The following DNAAF8 variants were observed in gnomAD, a reference collection of about 807,000 sequenced individuals.
DNAAF8 encodes the protein dynein axonemal-associated protein 1.
DNAAF8 carries 61 observed loss-of-function variants against 54.6 expected under a neutral mutation model. The ratio of observed to expected loss-of-function variants is 1.12; its 90% CI spans 0.91 to 1.38. The LOEUF is 1.38. Ranked by LOEUF, DNAAF8 falls within the 40% of genes most tolerant of loss-of-function variation. DNAAF8 has a pLI of 0.00. For missense variants in DNAAF8, 837 were observed against 665.0 expected (o/e 1.26, Z -2.85); for synonymous variants, 320 against 270.1 (o/e 1.18, Z -1.81).
At chr16:4,743,992 C>T (rs1378180462) in intron 5 of DNAAF8, among the ~76,000 whole-genome samples, 1 of 146,280 alleles carries the variant, frequency 6.8e-6, no homozygotes, top group African/African-American at 2.6e-5. Flanking sequence ...TGCAATGGCA[C>T]GATCTCGGTT....
chr16:4,745,274 G>C (rs1246020788), intron 6 of DNAAF8, among the ~76,000 whole-genome samples: 1 of 152,168 alleles, frequency 6.6e-6, no homozygotes, highest in Non-Finnish European at 1.5e-5. Flanking sequence ...AAACCCAACG[G>C]GAACCCTCCT....
chr16:4,738,256 C>T lies in DNAAF8; in HGVS notation c.276+310C>T, dbSNP rs75720519. ...ATCCTGAATAGCTTCTGGCCATTGT[C>T]ACAACTGCTTGTCCTAATTGTCTCT... On this transcript the variant is annotated intron_variant, in intron 3 of 9. Transcript: ENST00000299320. 2.8e-3 allele frequency among the ~76,000 whole-genome samples: 430 copies of T among 152,300 alleles called. 3 individuals carry two copies. Among genetic ancestry groups the T allele is most frequent in the African/African-American group, 9.6e-3 (397 of 41,568 alleles).
intron 3 of DNAAF8, among the ~76,000 whole-genome samples, chr16:4,739,384 T>C (rs941563084): frequency 1.3e-5 from 2 of 149,682 alleles, no homozygotes; most frequent in Non-Finnish European, 3.0e-5. Flanking sequence ...ACTTGTACTC[T>C]AGCTTGGGGT....
intron 6 of DNAAF8, 148 bp from the exon 7 acceptor site, chr16:4,746,227 A>G: frequency 1.2e-6 from 1 of 859,836 alleles, no homozygotes; most frequent in Non-Finnish European, 1.8e-6. Context: ...CTGAAGAGTA[A>G]AAGAGCAAAT....
intron 3 of DNAAF8, 44 bp downstream of exon 3, chr16:4,737,990 T>A: frequency 4.4e-6 from 7 of 1,592,522 alleles, no homozygotes; most frequent in Non-Finnish European, 6.0e-6. Context: ...GTGTGCGATG[T>A]TAGTCTAAAC....
At chr16:4,746,227 A>C in intron 6 of DNAAF8, 148 bp from the exon 7 acceptor site, 1 of 859,832 alleles carries the variant, frequency 1.2e-6, no homozygotes, top group South Asian at 1.8e-5. Flanking sequence ...CTGAAGAGTA[A>C]AAGAGCAAAT....
Position 4,737,787 on chromosome 16 carries a change from C to A in DNAAF8, c.130-13C>A. The A allele has an allele frequency of 6.2e-7, 1 of 1,613,990 alleles. No individual in the cohort carries two copies. The highest frequency in any genetic ancestry group is 1.3e-5 in the African/African-American group (1 of 75,042). On this transcript the variant is annotated splice_polypyrimidine_tract_variant and intron_variant, in intron 2 of 9. Transcript: ENST00000299320. ...CTGCCTTGTCCTCCAAAAGCCCTCT[C>A]ATTTGTCCACAGTCGGACTATGGGG...
intron 5 of DNAAF8, among the ~76,000 whole-genome samples, chr16:4,744,634 C>CA (rs2081989822): frequency 6.6e-6 from 1 of 151,402 alleles, no homozygotes; most frequent in Non-Finnish European, 1.5e-5. Flanking sequence ...GTCACTCCTA[C>CA]TTCACCAAGC....
chr16:4,740,755 G>C, intron 4 of DNAAF8, 96 bp downstream of exon 4: 1 of 1,390,958 alleles, frequency 7.2e-7, no homozygotes, highest in East Asian at 2.3e-5. Flanking sequence ...CTTGAGGGCT[G>C]GCCCACTAGG....
At chr16:4,747,221 T>C in intron 8 of DNAAF8, 122 bp from the exon 9 acceptor site, 2 of 1,326,712 alleles carry the variant, frequency 1.5e-6, no homozygotes, top group Non-Finnish European at 2.1e-6. Flanking sequence ...ATGGGCTGCC[T>C]GAATTGCATT....
intron 4 of DNAAF8, among the ~76,000 whole-genome samples, chr16:4,742,229 C>G (rs780300133): frequency 6.6e-6 from 1 of 152,046 alleles, no homozygotes; most frequent in Non-Finnish European, 1.5e-5. Context: ...ACATTGTGAA[C>G]CTGTATGAAC....
rs368403834 is a variant in DNAAF8, at chr16:4,747,529, G to A, written c.1467G>A (p.Gln489=). Residue 489 remains glutamine (Q), a synonymous_variant, in exon 9 of 10, where the codon CAG becomes CAA. Coordinates refer to ENST00000299320, the MANE Select transcript of DNAAF8 (RefSeq NM_139170.3). ...TCTGTGCCAAGGGGCAGAGCGCCCAGGCTCGACTCCCAAGAGGCAGGCCCA... is the reference window on the plus strand; with the variant it reads ...TCTGTGCCAAGGGGCAGAGCGCCCAAGCTCGACTCCCAAGAGGCAGGCCCA... ...MKLCAKGQSA[Q]ARLPRGRPRA... 100 of 1,612,990 alleles carry A rather than the reference G, an allele frequency of 6.2e-5. No homozygotes were observed. The highest frequency in any genetic ancestry group is 8.5e-5 in the Non-Finnish European group (100 of 1,179,886).
In DNAAF8 at chr16:4,736,583, G is replaced by C; in HGVS notation, c.69G>C (p.Trp23Cys). ...GSPWASQMGPWDAILKAVKDQ... is the reference protein window; with the variant it reads ...GSPWASQMGPCDAILKAVKDQ... ...CCTGGGCCTCCCAGATGGGGCCCTG[G>C]GATGCCATCCTCAAGGCTGTCAAAG... Residue 23 changes from tryptophan (W) to cysteine (C), a missense_variant, in exon 2 of 10, where the codon TGG becomes TGC. Coordinates refer to ENST00000299320, the MANE Select transcript of DNAAF8 (RefSeq NM_139170.3). 2 of 1,591,312 alleles carry C rather than the reference G, an allele frequency of 1.3e-6. No individual in the cohort carries two copies. The highest frequency in any genetic ancestry group is 1.3e-5 in the African/African-American group (1 of 74,684).
rs1357399176 is a variant in DNAAF8 at position 4,747,333 on chromosome 16, T to C, written c.1281-10T>C. On this transcript the variant is annotated splice_polypyrimidine_tract_variant and intron_variant, in intron 8 of 9. Transcript: ENST00000299320. ...CGGGGTTGAGTGAATTTGGTCTCAT[T>C]GTGTCACAGGACCTGTACCGGGAAA... 1 of 1,548,426 alleles carries C rather than the reference T, an allele frequency of 6.5e-7. No homozygotes were observed. Among genetic ancestry groups the C allele is most frequent in the African/African-American group, 1.4e-5 (1 of 73,106 alleles).
chr16:4,746,339 G>C (rs761991410), intron 6 of DNAAF8, 36 bp from the exon 7 acceptor site: 1 of 1,591,106 alleles, frequency 6.3e-7, no homozygotes, highest in East Asian at 2.2e-5. Flanking sequence ...TTATCACAGA[G>C]AACTGACTCC....
At chr16:4,735,045 C>G (rs2081861760) in intron 1 of DNAAF8, 2 of 152,236 alleles carry the variant, frequency 1.3e-5, no homozygotes, top group African/African-American at 4.8e-5. Flanking sequence ...ACTTGGCGTT[C>G]AGGGCCCTGC....
chr16:4,735,515 T>G (rs1378835257), intron 1 of DNAAF8, among the ~76,000 whole-genome samples: 1 of 152,036 alleles, frequency 6.6e-6, no homozygotes, highest in Non-Finnish European at 1.5e-5. Context: ...CTCCTGACAC[T>G]GGCTCTAGAG....
In DNAAF8 at chr16:4,741,848, G is replaced by T. The variant is rs147023462; in HGVS notation, c.783+1189G>T. ...AAGAGAGGAATGCAGAGATACGCTT[G>T]TCACATTCATGTCCTAGAGGAGTTA... On this transcript the variant is annotated intron_variant, in intron 4 of 9. Transcript: ENST00000299320. 2.9e-4 allele frequency among the ~76,000 whole-genome samples: 44 copies of T among 152,278 alleles called. No individual in the cohort carries two copies. In the East Asian group the frequency reaches 7.5e-3, roughly 26 times the overall value.
intron 3 of DNAAF8, among the ~76,000 whole-genome samples, chr16:4,739,265 G>GTTCTTTTTTTTTTTTTT (rs2081931435): frequency 1.4e-5 from 1 of 69,030 alleles, no homozygotes; most frequent in Non-Finnish European, 2.6e-5. Context: ...ATTTTTTCTT[G>GTTCTTTTTTTTTTTTTT]TTTTTTTTTT....
Sources: allele counts gnomAD v4.1 joint callset (sites outside exome capture counted in the v4.1 genomes callset), GRCh38; gene constraint gnomAD v4.1.1; transcripts MANE v1.5; gene names NCBI Gene and HGNC (gene_info 2026-07-23, HGNC 2026-07-21).